Variants in FAT3 observed in about 807,000 individuals in gnomAD.
The protein encoded by FAT3 is FAT atypical cadherin 3, also known as protocadherin Fat 3.
FAT3 carries 95 observed loss-of-function variants against 310.2 expected under a neutral mutation model. The ratio of observed to expected loss-of-function variants is 0.31; its 90% confidence interval spans 0.26 to 0.36. FAT3 has a LOEUF of 0.36. Among genes scored for constraint, FAT3 ranks in the 10% least tolerant of loss-of-function variants. The pLI is 1.00. For missense variants in FAT3, 5,408 were observed against 5,715.6 expected, an observed-to-expected ratio of 0.95 and a Z score of 1.74; for synonymous variants, 2,314 against 2,192.9, an observed-to-expected ratio of 1.06 and a Z score of -1.54.
At chr11:92,706,412 G>A (rs1944355079) in intron 4 of FAT3, among the ~76,000 whole-genome samples, 1 of 152,092 alleles carries the variant, frequency 6.6e-6, no homozygotes, top group African/African-American at 2.4e-5. Flanking sequence ...TGTGGGAGCG[G>A]TGGGGATGTG....
At chr11:92,779,806 CAGA>C (rs1427384764) in intron 7 of FAT3, among the ~76,000 whole-genome samples, 11 of 152,050 alleles carry the variant, frequency 7.2e-5, no homozygotes, top group African/African-American at 7.2e-5. Context: ...AGCCCTTAAG[CAGA>C]AGAAGAGAGG....
intron 3 of FAT3, among the ~76,000 whole-genome samples, chr11:92,610,141 G>A (rs1403323458): frequency 6.6e-6 from 1 of 152,122 alleles, no homozygotes; most frequent in Non-Finnish European, 1.5e-5. Context: ...ACTTGTAAAA[G>A]GGATTTGCTA....
At chr11:92,272,171 GCAAAGCTGCT>G (rs1156454325) in intron 1 of FAT3, among the ~76,000 whole-genome samples, 1 of 152,096 alleles carries the variant, frequency 6.6e-6, no homozygotes, top group Non-Finnish European at 1.5e-5. Flanking sequence ...GGAAGGAGCA[GCAAAGCTGCT>G]GTAAAATCTT....
intron 25 of FAT3, among the ~76,000 whole-genome samples, chr11:92,888,410 G>C (rs1949843624): frequency 6.6e-6 from 1 of 152,160 alleles, no homozygotes; most frequent in Non-Finnish European, 1.5e-5. Flanking sequence ...ATGATGCCTG[G>C]TTAACTGTTC....
intron 4 of FAT3, among the ~76,000 whole-genome samples, chr11:92,753,901 T>A (rs1591686648): frequency 1.3e-5 from 2 of 151,698 alleles, no homozygotes; most frequent in South Asian, 4.2e-4. Flanking sequence ...AACTCAGGAA[T>A]GGAAAACCAA....
chr11:92,275,116 A>G (rs1304631224), intron 1 of FAT3, among the ~76,000 whole-genome samples: 2 of 152,066 alleles, frequency 1.3e-5, no homozygotes, highest in Non-Finnish European at 2.9e-5. Flanking sequence ...TTGATTCTCT[A>G]GTCTTCCCAG....
At chr11:92,632,172 A>T (rs1228914863) in intron 3 of FAT3, among the ~76,000 whole-genome samples, 1 of 152,218 alleles carries the variant, frequency 6.6e-6, no homozygotes, top group East Asian at 1.9e-4. Flanking sequence ...GACTTGTGGG[A>T]TAGTTTGCTG....
At chr11:92,796,802 C>T (rs1947186825) in intron 9 of FAT3, among the ~76,000 whole-genome samples, 2 of 152,204 alleles carry the variant, frequency 1.3e-5, no homozygotes, top group Non-Finnish European at 2.9e-5. Context: ...TTGTGTCTTC[C>T]CCATTTTTTA....
In FAT3 at chr11:92,883,067, G is replaced by A. The variant is rs1382700538; in HGVS notation, c.12611G>A (p.Ser4204Asn). 6.2e-7 allele frequency: 1 copy of A among 1,613,910 alleles called. No individual in the cohort carries two copies. Among genetic ancestry groups the A allele is most frequent in the Non-Finnish European group, 8.5e-7 (1 of 1,179,900 alleles). Reference protein sequence around the residue: ...DPATAALLNKSNGIPFRNLRG... With the variant: ...DPATAALLNKNNGIPFRNLRG... ...GCCACCGCCGCCCTGCTTAACAAGAGCAATGGCATCCCGTTCCGGAACCTG... is the reference window on the plus strand; with the variant it reads ...GCCACCGCCGCCCTGCTTAACAAGAACAATGGCATCCCGTTCCGGAACCTG... The change falls in exon 24 of 28, where the codon AGC (serine) becomes AAC (asparagine). Residue 4204 changes from serine (S) to asparagine (N), a missense_variant. Physicochemically the swap from Ser to Asn is conservative, Grantham distance 46. Around this residue, in one of 5 missense-constraint regions of FAT3, gnomAD observed 649 missense variants for 666.2 expected, o/e 0.97. Transcript: ENST00000525166. This position sits in a 1 kb window ranked among gnomAD's most constrained non-coding sequence, Gnocchi z 4.2.
intron 22 of FAT3, 81 bp from the exon 23 acceptor site, chr11:92,880,650 A>C (rs1949652792): frequency 6.9e-7 from 1 of 1,459,798 alleles, no homozygotes; most frequent in Non-Finnish European, 9.2e-7. Context: ...ACAAAGAATT[A>C]GGAGGACATG....
rs562052896 is a variant in FAT3, at chr11:92,261,710, A to G, written c.-18+36536A>G. 1.2e-3 allele frequency among the ~76,000 whole-genome samples: 185 copies of G among 152,170 alleles called. 1 individual carries two copies. Among genetic ancestry groups the G allele is most frequent in the Middle Eastern group, 6.8e-3 (2 of 294 alleles). ...TCCAATCCCTGGGTGGCATTGTAAC[A>G]TATATTTATTCTTGATTGCTCCAGA... On this transcript the variant is annotated intron_variant, in intron 1 of 27. Coordinates refer to ENST00000525166, the MANE Select transcript of FAT3 (RefSeq NM_001367949.2).
intron 21 of FAT3, among the ~76,000 whole-genome samples, chr11:92,863,578 C>G (rs574078618): frequency 6.6e-6 from 1 of 152,146 alleles, no homozygotes; most frequent in African/African-American, 2.4e-5. Context: ...AACAAATTAC[C>G]TAGCTACACC....
At chr11:92,412,738 T>TATATACAC (rs1555038595) in intron 2 of FAT3, among the ~76,000 whole-genome samples, 1 of 63,734 alleles carries the variant, frequency 1.6e-5, no homozygotes, top group Non-Finnish European at 2.9e-5. Context: ...TATATATATA[T>TATATACAC]ATATATAAAT....
At position 92,883,300 on chromosome 11, in the gene FAT3, G is replaced by A; in HGVS notation, c.12844G>A (p.Val4282Met). 1.2e-6 allele frequency: 2 copies of A among 1,612,510 alleles called. No individual in the cohort carries two copies. The highest frequency in any genetic ancestry group is 1.3e-5 in the African/African-American group (1 of 75,042). The change falls in exon 24 of 28, where the codon GTG (valine) becomes ATG (methionine). Residue 4282 changes from valine to methionine, a missense_variant. Val to Met is a conservative substitution (Grantham distance 21, BLOSUM62 1). Transcript: ENST00000525166. The surrounding 1 kb of genome is among the most constrained non-coding windows in gnomAD (Gnocchi z 4.2). ...CCTGACAGCCCGGCGGGGCGTGGTC[G>A]TGTGCAGTGTGGCCCCCAACCTCCC... ...RILTARRGVV[V>M]CSVAPNLPAV...
intron 2 of FAT3, among the ~76,000 whole-genome samples, chr11:92,452,840 G>A (rs1462411385): frequency 6.6e-6 from 1 of 152,090 alleles, no homozygotes; most frequent in African/African-American, 2.4e-5. Flanking sequence ...ACGGCTCACT[G>A]AAGCCTTGAC....
intron 13 of FAT3, among the ~76,000 whole-genome samples, chr11:92,829,136 G>A (rs888848869): frequency 6.6e-6 from 1 of 152,194 alleles, no homozygotes; most frequent in African/African-American, 2.4e-5. Context: ...AATCCCTAAG[G>A]AGATTGGGCA....
At chr11:92,595,950 G>A (rs1361998587) in intron 3 of FAT3, among the ~76,000 whole-genome samples, 1 of 152,140 alleles carries the variant, frequency 6.6e-6, no homozygotes, top group East Asian at 1.9e-4. Flanking sequence ...GACTAACCTG[G>A]AACAAGAGAG....
intron 1 of FAT3, among the ~76,000 whole-genome samples, chr11:92,342,377 G>A (rs1317503280): frequency 6.6e-6 from 1 of 152,096 alleles, no homozygotes; most frequent in East Asian, 1.9e-4. Flanking sequence ...AACAAGGGAA[G>A]GTCCTCTATC....
At chr11:92,858,302 A>T (rs1247848052) in intron 20 of FAT3, among the ~76,000 whole-genome samples, 1 of 152,196 alleles carries the variant, frequency 6.6e-6, no homozygotes, top group African/African-American at 2.4e-5. Flanking sequence ...CAGGAAAATT[A>T]TGCTGTCTCC....
Sources: gnomAD v4.1 joint callset for allele counts (sites outside exome capture counted in the v4.1 genomes callset) on GRCh38, gnomAD v4.1.1 for gene constraint, gnomAD v4.1.1 regional missense constraint, Gnocchi (gnomAD v3.1) non-coding constraint, MANE v1.5 for transcripts, NCBI Gene and HGNC (gene_info 2026-07-23, HGNC 2026-07-21) for gene names.